Variants in CCDC150 observed in about 807,000 individuals in gnomAD.
CCDC150 encodes the protein coiled-coil domain-containing protein 150.
CCDC150 carries 151 observed loss-of-function variants against 156.5 expected under a neutral mutation model. The ratio of observed to expected loss-of-function variants is 0.97; its 90% CI spans 0.85 to 1.10. The LOEUF (loss-of-function observed/expected upper bound fraction) is 1.10, where lower values mean the gene tolerates loss of function less well. Among genes scored for constraint, CCDC150 ranks in the 50% least tolerant of loss-of-function variants. CCDC150 has a pLI of 0.00. For missense variants in CCDC150, 1,312 were observed against 1,268.1 expected (o/e 1.03, Z -0.53); for synonymous variants, 452 against 429.4 (o/e 1.05, Z -0.65).
chr2:196,673,255 T>C (rs985685096), intron 9 of CCDC150, among the ~76,000 whole-genome samples: 16 of 152,264 alleles, frequency 1.1e-4, no homozygotes, highest in East Asian at 7.7e-4. Flanking sequence ...TGGAAACTTA[T>C]TCACATTTTA....
At chr2:196,727,427 A>C (rs1419779245) in intron 22 of CCDC150, 1 of 152,092 alleles carries the variant, frequency 6.6e-6, no homozygotes, top group East Asian at 1.9e-4. Context: ...AAAAGAAAAA[A>C]ATTATCAACC....
chr2:196,669,171 A>G (rs1331469498), intron 7 of CCDC150, among the ~76,000 whole-genome samples: 1 of 152,174 alleles, frequency 6.6e-6, no homozygotes, highest in Non-Finnish European at 1.5e-5. Context: ...TGAGTTCTAG[A>G]CCAGTATCTT....
chr2:196,719,217 T>G (rs995942183), intron 18 of CCDC150: 1 of 231,456 alleles, frequency 4.3e-6, no homozygotes, highest in Non-Finnish European at 8.3e-6. Context: ...GGACGCAGGT[T>G]GTGCTGAGTC....
At chr2:196,661,233 A>G (rs1372792341) in intron 5 of CCDC150, among the ~76,000 whole-genome samples, 2 of 152,234 alleles carry the variant, frequency 1.3e-5, no homozygotes, top group Non-Finnish European at 2.9e-5. Context: ...AGGGTGTATT[A>G]GTTTGCTGGG....
chr2:196,641,051 C>G (rs1575733012), intron 1 of CCDC150, among the ~76,000 whole-genome samples: 1 of 152,334 alleles, frequency 6.6e-6, no homozygotes, highest in African/African-American at 2.4e-5. Context: ...CAAGCTCCGC[C>G]TCCTGGGTTC....
chr2:196,705,460 T>C (rs995075221), intron 15 of CCDC150, among the ~76,000 whole-genome samples: 3 of 152,236 alleles, frequency 2.0e-5, no homozygotes, highest in Non-Finnish European at 4.4e-5. Context: ...CTTTGTCAGA[T>C]GGGTAGATTG....
chr2:196,661,863 C>G (rs917059440), intron 5 of CCDC150, among the ~76,000 whole-genome samples: 2 of 151,950 alleles, frequency 1.3e-5, no homozygotes, highest in African/African-American at 4.8e-5. Context: ...TAAAAGTGGC[C>G]GTTCTTTAAA....
At chr2:196,698,446 A>G (rs1377892656) in intron 14 of CCDC150, among the ~76,000 whole-genome samples, 1 of 152,172 alleles carries the variant, frequency 6.6e-6, no homozygotes, top group African/African-American at 2.4e-5. Flanking sequence ...ATTGATAGGG[A>G]AAAAGCTCCA....
Position 196,721,619 on chromosome 2 carries a change from A to T in CCDC150, c.2357A>T (p.Gln786Leu). 6.2e-7 allele frequency: 1 copy of T among 1,607,130 alleles called. No individual in the cohort carries two copies. The highest frequency in any genetic ancestry group is 8.5e-7 in the Non-Finnish European group (1 of 1,176,872). Residue 786 changes from glutamine (Q) to leucine (L), a missense_variant, in exon 21 of 28, where the codon CAA (glutamine) becomes CTA (leucine). Gln to Leu is a moderately radical substitution (Grantham distance 113). Coordinates refer to ENST00000389175, the MANE Select transcript of CCDC150 (RefSeq NM_001080539.2). ...GCTCTCCAGACAAATAATCATCTGCAAACAAAGCTAGATCACATTCAAGAG... is the reference window on the plus strand; with the variant it reads ...GCTCTCCAGACAAATAATCATCTGCTAACAAAGCTAGATCACATTCAAGAG... ...EQALQTNNHL[Q>L]TKLDHIQEQL...
intron 23 of CCDC150, 162 bp from the exon 24 acceptor site, chr2:196,729,631 C>T: frequency 1.5e-6 from 1 of 673,692 alleles, no homozygotes; most frequent in Non-Finnish European, 2.6e-6. Flanking sequence ...TTGTACTGGA[C>T]TTTGCTCTTT....
intron 21 of CCDC150, among the ~76,000 whole-genome samples, 198 bp downstream of exon 21, chr2:196,721,889 ACT>A (rs1003126365): frequency 2.5e-4 from 38 of 152,144 alleles, no homozygotes; most frequent in African/African-American, 7.7e-4. Flanking sequence ...TGATCATTTG[ACT>A]CTCCTTCTCA....
chr2:196,710,380 T>A (rs1270875539), intron 15 of CCDC150, among the ~76,000 whole-genome samples: 1 of 150,044 alleles, frequency 6.7e-6, no homozygotes, highest in Non-Finnish European at 1.5e-5. Flanking sequence ...GGCAGGAGTG[T>A]CCTGTTTTTC....
In CCDC150 at chr2:196,732,617, C is replaced by T. The variant is rs1698585476; in HGVS notation, c.*55C>T. The T allele has an allele frequency of 1.6e-6, 2 of 1,229,270 alleles. No homozygotes were observed. The highest frequency in any genetic ancestry group is 1.7e-5 in the Admixed American group (1 of 59,072). 76.1% of individuals were successfully genotyped at this position (1,229,270 alleles called of 1,614,324 possible). A position where few individuals can be genotyped will look rare whatever the true frequency, so the allele number is the denominator to read the frequency against. ...TAGCTACACTCCATGATTCCAAGAG[C>T]CCAGCAGCCGGGGCTGGCCTGTTTC... On this transcript the variant is annotated 3_prime_UTR_variant, in exon 28 of 28. Transcript: ENST00000389175.
At chr2:196,727,449 G>A (rs997138577) in intron 22 of CCDC150, 3 of 152,124 alleles carry the variant, frequency 2.0e-5, no homozygotes, top group Admixed American at 6.5e-5. Context: ...GACATTAAAT[G>A]TTGTATCCTG....
At position 196,672,538 on chromosome 2, in the gene CCDC150, T is replaced by C. The variant is rs1026102780; in HGVS notation, c.1029+101T>C. On this transcript the variant is annotated intron_variant, in intron 9 of 27. Transcript: ENST00000389175. ...GTCTTGATTATATAAATTCATACCA[T>C]CTCCATCACCCAACTTTTCATTTCC... 1.1e-5 allele frequency: 6 copies of C among 539,870 alleles called. No individual in the cohort carries two copies. The Admixed American group carries it at 2.5e-4, about 23-fold the overall frequency. 33.4% of individuals were successfully genotyped at this position (539,870 alleles called of 1,614,324 possible).
At chr2:196,685,956 C>T (rs1386291283) in intron 13 of CCDC150, among the ~76,000 whole-genome samples, 2 of 152,160 alleles carry the variant, frequency 1.3e-5, no homozygotes, top group African/African-American at 2.4e-5. Flanking sequence ...TGTCATCCCA[C>T]TGCCTTCTGG....
intron 21 of CCDC150, among the ~76,000 whole-genome samples, chr2:196,722,442 AT>A (rs34157571): frequency 0.77 from 112,008 of 145,986 alleles, 42,893 homozygotes; most frequent in East Asian, 0.96. Context: ...CACCTGGCTA[AT>A]TTTTTTTTTT....
intron 26 of CCDC150, among the ~76,000 whole-genome samples, chr2:196,731,391 CTTTTTTTT>C (rs11314304): frequency 1.5e-5 from 2 of 133,306 alleles, no homozygotes; most frequent in East Asian, 2.2e-4. Context: ...TCAAATCATA[CTTTTTTTT>C]TTTTTTTTTC....
chr2:196,713,296 CT>C (rs1697261804), intron 17 of CCDC150: 1 of 1,424,982 alleles, frequency 7.0e-7, no homozygotes, highest in South Asian at 1.7e-5. Flanking sequence ...AGTAAAGGGG[CT>C]ATTCCTTGAA....
Sources: gnomAD v4.1 joint callset for allele counts (sites outside exome capture counted in the v4.1 genomes callset) on GRCh38, gnomAD v4.1.1 for gene constraint, MANE v1.5 for transcripts, NCBI Gene and HGNC (gene_info 2026-07-23, HGNC 2026-07-21) for gene names.